The following TRERF1 variants were observed in gnomAD, a reference collection of about 807,000 sequenced individuals.
The protein encoded by TRERF1 is transcriptional-regulating factor 1.
In TRERF1, 27 loss-of-function variants were observed where a neutral mutation model predicts 122.9. That is an observed-to-expected ratio of 0.22 (90% CI 0.16 to 0.30). The LOEUF (loss-of-function observed/expected upper bound fraction) is 0.30, where lower values mean the gene tolerates loss of function less well. Ranked by LOEUF, TRERF1 falls within the 10% of genes least tolerant of loss-of-function variation. The probability of loss-of-function intolerance (pLI) is 1.00; values close to 1 mark genes in which losing one functional copy is unlikely to be tolerated. For synonymous variants in TRERF1, 636 were observed against 641.7 expected (o/e 0.99, Z 0.13); for missense variants, 1,248 against 1,560.3 (o/e 0.80, Z 3.37).
chr6:42,309,313 CTCTTT>C, intron 3 of TRERF1, among the ~76,000 whole-genome samples: 1 of 152,274 alleles, frequency 6.6e-6, no homozygotes, highest in South Asian at 2.1e-4. Context: ...TAGAAATGAT[CTCTTT>C]TATTTTATAG....
rs10644115 is a variant in TRERF1, at chr6:42,235,084, G to GTTTT, written c.3066+1117_3066+1120dup. ...AATGCAAAATGTATGTATCTTTTTTGTTTTTTTTTTAATTTTCATTTTTTC... is the reference window on the plus strand; with the variant it reads ...AATGCAAAATGTATGTATCTTTTTTGTTTTTTTTTTTTTTAATTTTCATTTTTTC... On this transcript the variant is annotated intron_variant, in intron 16 of 17. Transcript: ENST00000372922. 3.0e-3 allele frequency among the ~76,000 whole-genome samples: 441 copies of GTTTT among 148,366 alleles called. 1 individual carries two copies. The highest frequency in any genetic ancestry group is 0.01 in the African/African-American group (416 of 40,494).
Position 42,301,069 on chromosome 6 carries a change from C to G in TRERF1, c.-370-320G>C, listed in dbSNP as rs147245918. Among the ~76,000 whole-genome samples the G allele has an allele frequency of 3.5e-4, 54 of 152,224 alleles. No individual in the cohort carries two copies. The East Asian group carries it at 9.8e-3, about 28-fold the overall frequency. ...GAGATATAGAGAGACAGAGAGAGATCTGAGTTTCATTATAATATCATTTGC... is the reference window on the plus strand; with the variant it reads ...GAGATATAGAGAGACAGAGAGAGATGTGAGTTTCATTATAATATCATTTGC... On this transcript the variant is annotated intron_variant, in intron 3 of 17. Transcript: ENST00000372922.
intron 2 of TRERF1, among the ~76,000 whole-genome samples, chr6:42,392,047 T>C (rs1045076730): frequency 2.6e-5 from 4 of 152,124 alleles, no homozygotes; most frequent in Non-Finnish European, 4.4e-5. Flanking sequence ...TTCCCATGAC[T>C]GATTTTCTTC....
At chr6:42,229,125 T>TTTG (rs372117238) in intron 17 of TRERF1, among the ~76,000 whole-genome samples, 99 of 152,024 alleles carry the variant, frequency 6.5e-4, no homozygotes, top group Middle Eastern at 3.4e-3. Context: ...AGTTGTTGGT[T>TTTG]TTGTTGTTGT....
At chr6:42,324,494 T>G (rs762616938) in intron 3 of TRERF1, among the ~76,000 whole-genome samples, 28 of 152,194 alleles carry the variant, frequency 1.8e-4, no homozygotes, top group Non-Finnish European at 2.9e-4. Context: ...ATTACCTTAC[T>G]TCAAACTATA....
intron 3 of TRERF1, among the ~76,000 whole-genome samples, chr6:42,341,477 G>A (rs1011132934): frequency 1.3e-5 from 2 of 152,236 alleles, no homozygotes; most frequent in African/African-American, 4.8e-5. Context: ...ATCTGTTCAT[G>A]GGTCTGCCCC....
intron 2 of TRERF1, among the ~76,000 whole-genome samples, chr6:42,395,061 G>C (rs563039689): frequency 6.6e-6 from 1 of 152,336 alleles, no homozygotes; most frequent in African/African-American, 2.4e-5. Context: ...CAAGACAGGT[G>C]GGGTAGACAG....
At chr6:42,346,527 AG>A (rs1768320176) in intron 3 of TRERF1, among the ~76,000 whole-genome samples, 1 of 152,236 alleles carries the variant, frequency 6.6e-6, no homozygotes, top group Non-Finnish European at 1.5e-5. Context: ...GCAATGCTCT[AG>A]AAAGGCCTCT....
At chr6:42,396,053 C>T (rs749962105) in intron 2 of TRERF1, among the ~76,000 whole-genome samples, 6 of 152,166 alleles carry the variant, frequency 3.9e-5, no homozygotes, top group African/African-American at 7.2e-5. Flanking sequence ...CTTCCCCAGG[C>T]CCTGCTCCCC....
Position 42,256,902 on chromosome 6 carries a change from G to GC in TRERF1, c.2476+60dup, listed in dbSNP as rs1196311104. 12 of 1,613,012 alleles carry GC rather than the reference G, an allele frequency of 7.4e-6. No homozygotes were observed. The Admixed American group carries it at 1.8e-4, about 25-fold the overall frequency. ...TAATGGAAAACACACCAATCCCAGAGCCAGTGATCTCAGTGAGAGAATCAA... is the reference window on the plus strand; with the variant it reads ...TAATGGAAAACACACCAATCCCAGAGCCCAGTGATCTCAGTGAGAGAATCAA... On this transcript the variant is annotated intron_variant, in intron 11 of 17. Coordinates refer to ENST00000372922, the Ensembl canonical transcript of TRERF1.
At chr6:42,405,872 C>T (rs572949145) in intron 2 of TRERF1, among the ~76,000 whole-genome samples, 1 of 150,710 alleles carries the variant, frequency 6.6e-6, no homozygotes, top group East Asian at 2.0e-4. Flanking sequence ...CAGAGAGAAG[C>T]AGGCAGGGGG....
intron 4 of TRERF1, among the ~76,000 whole-genome samples, chr6:42,289,345 AAC>A (rs370070615): frequency 0.081 from 11,448 of 142,136 alleles, 501 homozygotes; most frequent in African/African-American, 0.11. Context: ...AAAACAAACA[AAC>A]AAAAAAAAAA....
chr6:42,451,233 TTGGGGGGTGAGA>T (rs1258300156), exon 2 of TRERF1: 1 of 154,050 alleles, frequency 6.5e-6, no homozygotes, highest in Non-Finnish European at 1.4e-5. Context: ...CAGTATCCGC[TTGGGGGGTGAGA>T]TGGGGGGCGA....
At chr6:42,347,490 T>C (rs1176597173) in intron 3 of TRERF1, among the ~76,000 whole-genome samples, 2 of 152,142 alleles carry the variant, frequency 1.3e-5, no homozygotes, top group East Asian at 1.9e-4. Flanking sequence ...ACATATTTAC[T>C]TTCCTCTTAA....
intron 3 of TRERF1, among the ~76,000 whole-genome samples, chr6:42,352,805 CATT>C (rs112118959): frequency 7.0e-4 from 106 of 152,236 alleles, no homozygotes; most frequent in African/African-American, 2.5e-3. Context: ...TTTTCAAACT[CATT>C]AATAATCAAA....
chr6:42,303,437 C>T (rs78940404), intron 3 of TRERF1, among the ~76,000 whole-genome samples: 2,987 of 152,220 alleles, frequency 0.02, 109 homozygotes, highest in East Asian at 0.091. Flanking sequence ...GTAGGGAGGG[C>T]AGCAGGGGAA....
intron 3 of TRERF1, among the ~76,000 whole-genome samples, chr6:42,319,958 G>A (rs1763126015): frequency 6.6e-6 from 1 of 151,924 alleles, no homozygotes; most frequent in Middle Eastern, 3.4e-3. Flanking sequence ...CTGGAGTGCA[G>A]TGGTGTGATC....
At chr6:42,404,935 T>C (rs1188128826) in intron 2 of TRERF1, among the ~76,000 whole-genome samples, 2 of 152,122 alleles carry the variant, frequency 1.3e-5, no homozygotes, top group Non-Finnish European at 2.9e-5. Flanking sequence ...TTTTACATAT[T>C]TAGTCAAAGC....
At chr6:42,407,829 G>A (rs889117309) in intron 2 of TRERF1, among the ~76,000 whole-genome samples, 4 of 151,112 alleles carry the variant, frequency 2.6e-5, no homozygotes, top group Admixed American at 1.3e-4. Flanking sequence ...TCTTATGGAC[G>A]TGTGCGCACA....
Sources: gnomAD v4.1 joint callset for allele counts (sites outside exome capture counted in the v4.1 genomes callset) on GRCh38, gnomAD v4.1.1 for gene constraint, MANE v1.5 for transcripts, NCBI Gene and HGNC (gene_info 2026-07-23, HGNC 2026-07-21) for gene names.